Variants in MCTP1 observed in about 807,000 individuals in gnomAD.
The protein encoded by MCTP1 is multiple C2 and transmembrane domain containing 1, also known as multiple C2 and transmembrane domain-containing protein 1.
In MCTP1, 69 loss-of-function variants were observed where a neutral mutation model predicts 120.6. The observed-to-expected ratio is 0.57, with a 90% CI of 0.47 to 0.70. The LOEUF is 0.70. MCTP1 is among the 30% of genes least tolerant of loss of function. The probability of loss-of-function intolerance (pLI) is 0.00; values close to 1 mark genes in which losing one functional copy is unlikely to be tolerated. For synonymous variants in MCTP1, 529 were observed against 493.1 expected, an observed-to-expected ratio of 1.07 and a Z score of -0.96; for missense variants, 1,203 against 1,248.8, an observed-to-expected ratio of 0.96 and a Z score of 0.55.
At chr5:95,130,408 C>T (rs1298489461) in intron 1 of MCTP1, among the ~76,000 whole-genome samples, 1 of 152,146 alleles carries the variant, frequency 6.6e-6, no homozygotes, top group South Asian at 2.1e-4. Context: ...GTGAGAGAGA[C>T]AGGTAGCAGC....
rs35396232 is a variant in MCTP1 at position 94,836,179 on chromosome 5, C to CAA, written c.2436+32152_2436+32153dup. Among the ~76,000 whole-genome samples the CAA allele has an allele frequency of 3.6e-3, 239 of 65,972 alleles. 10 individuals are homozygous for CAA. Among genetic ancestry groups the CAA allele is most frequent in the East Asian group, 0.019 (33 of 1,712 alleles). 43.3% of individuals were successfully genotyped at this position (65,972 alleles called of 152,430 possible). A position where few individuals can be genotyped will look rare whatever the true frequency, so the allele number is the denominator to read the frequency against. ...TGGGCAACAGAGCAAGACTCCGTCTCAAAAAAAAAAAAAAAAAAAAAAAAA... is the reference window on the plus strand; with the variant it reads ...TGGGCAACAGAGCAAGACTCCGTCTCAAAAAAAAAAAAAAAAAAAAAAAAAAA... On this transcript the variant is annotated intron_variant, in intron 17 of 22. Coordinates refer to ENST00000515393, the MANE Select transcript of MCTP1 (RefSeq NM_024717.7).
At position 94,790,305 on chromosome 5, in the gene MCTP1, G is replaced by A. The variant is rs1778624926; in HGVS notation, c.2556+8708C>T. On this transcript the variant is annotated intron_variant, in intron 18 of 22. Coordinates refer to ENST00000515393, the MANE Select transcript of MCTP1 (RefSeq NM_024717.7). ...TTAGGGATGCCAATGGGAGGCCCAGGGAAGGCTGGAGGCCACAGGGAGCTC... is the reference window on the plus strand; with the variant it reads ...TTAGGGATGCCAATGGGAGGCCCAGAGAAGGCTGGAGGCCACAGGGAGCTC... Among the ~76,000 whole-genome samples the A allele has an allele frequency of 2.0e-5, 3 of 152,216 alleles. No individual in the cohort carries two copies. In the South Asian group the frequency reaches 6.2e-4, roughly 32 times the overall value.
chr5:95,067,451 GA>G (rs1750967527), intron 1 of MCTP1, among the ~76,000 whole-genome samples: 1 of 151,830 alleles, frequency 6.6e-6, no homozygotes, highest in Admixed American at 6.6e-5. Context: ...GAAAATAAAT[GA>G]TTTAGAAATG....
At chr5:94,902,454 C>G (rs961129275) in intron 10 of MCTP1, among the ~76,000 whole-genome samples, 6 of 152,082 alleles carry the variant, frequency 3.9e-5, no homozygotes, top group African/African-American at 1.4e-4. Context: ...TCATGATTGG[C>G]AGAACATTGA....
intron 1 of MCTP1, chr5:95,024,117 T>C (rs1323445227): frequency 2.3e-6 from 1 of 441,012 alleles, no homozygotes. Flanking sequence ...ATCCCATTTG[T>C]CTATTTTTGC....
chr5:95,183,332 A>T (rs1159904112), intron 1 of MCTP1, among the ~76,000 whole-genome samples: 1 of 151,726 alleles, frequency 6.6e-6, no homozygotes, highest in Non-Finnish European at 1.5e-5. Context: ...AACTTCTAGA[A>T]TGAAACATAG....
chr5:94,941,097 A>G (rs930197185), intron 4 of MCTP1, among the ~76,000 whole-genome samples: 2 of 152,020 alleles, frequency 1.3e-5, no homozygotes, highest in African/African-American at 4.8e-5. Context: ...ACCATTTAAA[A>G]TTATTTTTCA....
rs565010184 is a variant in MCTP1 at position 94,897,879 on chromosome 5, G to A, written c.1653-3044C>T. ...CAGTGTCGTTCCCCTCTTTGTGCCTGGACTTATTTTTAACAGAAAGAATTA... is the reference window on the plus strand; with the variant it reads ...CAGTGTCGTTCCCCTCTTTGTGCCTAGACTTATTTTTAACAGAAAGAATTA... On this transcript the variant is annotated intron_variant, in intron 10 of 22. Coordinates refer to ENST00000515393, the MANE Select transcript of MCTP1 (RefSeq NM_024717.7). 3.3e-5 allele frequency among the ~76,000 whole-genome samples: 5 copies of A among 152,030 alleles called. No individual in the cohort carries two copies. In the East Asian group the frequency reaches 9.6e-4, roughly 29 times the overall value.
intron 1 of MCTP1, among the ~76,000 whole-genome samples, chr5:95,078,950 G>A (rs755374782): frequency 6.6e-6 from 1 of 152,086 alleles, no homozygotes; most frequent in African/African-American, 2.4e-5. Flanking sequence ...TTTCATCTTG[G>A]AGAGAAATCC....
chr5:95,249,316 T>C (rs1354593062), intron 1 of MCTP1, among the ~76,000 whole-genome samples: 1 of 150,742 alleles, frequency 6.6e-6, no homozygotes, highest in South Asian at 2.1e-4. Flanking sequence ...AAATTTACAA[T>C]TAAAAAAAAC....
chr5:94,894,146 A>G (rs990163955), intron 11 of MCTP1, among the ~76,000 whole-genome samples: 5 of 152,194 alleles, frequency 3.3e-5, no homozygotes, highest in Admixed American at 3.3e-4. Context: ...CTTTAATTCT[A>G]TTTCACATTC....
chr5:94,842,307 G>A (rs1011962067), intron 17 of MCTP1, among the ~76,000 whole-genome samples: 3 of 152,232 alleles, frequency 2.0e-5, no homozygotes, highest in Non-Finnish European at 4.4e-5. Context: ...AGCAAAGAAA[G>A]CTTCTTACTT....
At chr5:95,101,367 A>T (rs1257470214) in intron 1 of MCTP1, among the ~76,000 whole-genome samples, 1 of 152,244 alleles carries the variant, frequency 6.6e-6, no homozygotes, top group African/African-American at 2.4e-5. Context: ...AATAACATAC[A>T]GGGAAGAAAA....
At chr5:95,217,718 C>A (rs1273383750) in intron 1 of MCTP1, among the ~76,000 whole-genome samples, 1 of 152,122 alleles carries the variant, frequency 6.6e-6, no homozygotes, top group Non-Finnish European at 1.5e-5. Flanking sequence ...AAAGCACTTA[C>A]TAATATACCA....
At chr5:94,875,657 G>T (rs1798706157) in intron 12 of MCTP1, among the ~76,000 whole-genome samples, 1 of 114,010 alleles carries the variant, frequency 8.8e-6, no homozygotes, top group African/African-American at 3.1e-5. Flanking sequence ...AAATCAACAG[G>T]ATTTGCAGAT....
intron 3 of MCTP1, among the ~76,000 whole-genome samples, chr5:94,946,239 G>A (rs990680929): frequency 6.6e-6 from 1 of 152,128 alleles, no homozygotes; most frequent in Non-Finnish European, 1.5e-5. Flanking sequence ...GACATCCAGA[G>A]TGGCATGCTT....
chr5:95,023,491 C>T (rs374166237), intron 1 of MCTP1, among the ~76,000 whole-genome samples: 14 of 152,316 alleles, frequency 9.2e-5, no homozygotes, highest in South Asian at 4.1e-4. Flanking sequence ...GTTTGAGCTG[C>T]GCTCCTGGGA....
At chr5:94,771,228 A>G (rs1261276515) in intron 19 of MCTP1, among the ~76,000 whole-genome samples, 1 of 152,030 alleles carries the variant, frequency 6.6e-6, no homozygotes, top group Non-Finnish European at 1.5e-5. Flanking sequence ...CTGTAAAATA[A>G]TTCAATTTCC....
At chr5:95,055,727 A>C (rs1044847371) in intron 1 of MCTP1, among the ~76,000 whole-genome samples, 3 of 152,244 alleles carry the variant, frequency 2.0e-5, no homozygotes, top group Admixed American at 6.5e-5. Flanking sequence ...TGTGTTGCAT[A>C]CTAGCTATAT....
Sources: allele counts gnomAD v4.1 joint callset (sites outside exome capture counted in the v4.1 genomes callset), GRCh38; gene constraint gnomAD v4.1.1; transcripts MANE v1.5; gene names NCBI Gene and HGNC (gene_info 2026-07-23, HGNC 2026-07-21).